Variants in NOX4 observed in about 807,000 individuals in gnomAD.
NOX4 encodes the protein NADPH oxidase 4.
NOX4 carries 69 observed loss-of-function variants against 87.6 expected under a neutral mutation model. The ratio of observed to expected loss-of-function variants is 0.79; its 90% CI spans 0.65 to 0.96. The LOEUF is 0.96. NOX4 is among the 40% of genes least tolerant of loss of function. The probability of loss-of-function intolerance (pLI) is 0.00; values close to 1 mark genes in which losing one functional copy is unlikely to be tolerated. For missense variants in NOX4, 680 were observed against 681.5 expected (o/e 1.00, Z 0.02); for synonymous variants, 275 against 238.2 (o/e 1.15, Z -1.42).
chr11:89,551,503 G>T, the NOX4 span, among the ~76,000 whole-genome samples: 2 of 152,108 alleles, frequency 1.3e-5, no homozygotes, highest in Non-Finnish European at 2.9e-5. Context: ...AGTTCTCCTT[G>T]AAGAGGTCCT....
the NOX4 span, among the ~76,000 whole-genome samples, chr11:89,547,332 T>C: frequency 2.0e-5 from 3 of 152,170 alleles, no homozygotes; most frequent in African/African-American, 7.2e-5. Flanking sequence ...TTTTCGGACA[T>C]GGCAAGATGC....
intron 11 of NOX4, among the ~76,000 whole-genome samples, chr11:89,399,490 G>T (rs985919118): frequency 6.4e-5 from 8 of 125,984 alleles, no homozygotes; most frequent in African/African-American, 2.1e-4. Context: ...TTGAGACAAG[G>T]TCTCACTCTC....
intron 2 of NOX4, among the ~76,000 whole-genome samples, chr11:89,477,328 T>C (rs575041): frequency 0.92 from 140,017 of 151,978 alleles, 64,635 homozygotes; most frequent in Non-Finnish European, 0.94. Context: ...GTTCATGCTC[T>C]TAAGAGAATC....
At chr11:89,503,754 A>G in the NOX4 span, among the ~76,000 whole-genome samples, 1 of 150,566 alleles carries the variant, frequency 6.6e-6, no homozygotes, top group East Asian at 2.0e-4. Context: ...TATCTAAGGT[A>G]TTTTCTGGTT....
At chr11:89,467,164 C>T (rs954388555) in intron 2 of NOX4, among the ~76,000 whole-genome samples, 2 of 151,534 alleles carry the variant, frequency 1.3e-5, no homozygotes, top group African/African-American at 4.8e-5. Flanking sequence ...CTGGCTAACA[C>T]AGTGAAACCC....
At chr11:89,496,454 G>A (rs1185526841), upstream of NOX4, among the ~76,000 whole-genome samples, 1 of 151,666 alleles carries the variant, frequency 6.6e-6, no homozygotes, top group Non-Finnish European at 1.5e-5. Context: ...AGATTTCATA[G>A]ACCAATAAAA....
At chr11:89,572,769 T>A in the NOX4 span, among the ~76,000 whole-genome samples, 1 of 152,192 alleles carries the variant, frequency 6.6e-6, no homozygotes, top group Admixed American at 6.5e-5. Context: ...ATTTTCTTTT[T>A]ACATATATCT....
At chr11:89,389,648 T>C (rs1940982209) in intron 11 of NOX4, among the ~76,000 whole-genome samples, 3 of 152,244 alleles carry the variant, frequency 2.0e-5, no homozygotes, top group South Asian at 2.1e-4. Flanking sequence ...CAGTTCGAAA[T>C]GGTAATTTTA....
Position 89,393,255 on chromosome 11 carries a change from T to C in NOX4, c.1074+6762A>G, listed in dbSNP as rs565834400. On this transcript the variant is annotated intron_variant, in intron 11 of 17. Coordinates refer to ENST00000263317, the MANE Select transcript of NOX4 (RefSeq NM_016931.5). The stretch of plus-strand genomic sequence containing the variant: ...AACAACACATCCTATCGAAGAATTG[T>C]CTGATCCAATATGTCAATACTGCCA... Among the ~76,000 whole-genome samples, 28 of 152,230 alleles carry C rather than the reference T, an allele frequency of 1.8e-4. No individual in the cohort carries two copies. The South Asian group carries it at 5.8e-3, about 32-fold the overall frequency.
At chr11:89,418,182 T>C (rs796364757) in intron 8 of NOX4, among the ~76,000 whole-genome samples, 2 of 152,004 alleles carry the variant, frequency 1.3e-5, no homozygotes, top group African/African-American at 4.8e-5. Context: ...ATGTTTGTAG[T>C]GAAGAAAGTG....
In NOX4 at chr11:89,491,342, C is replaced by A; in HGVS notation, c.-96G>T. On this transcript the variant is annotated 5_prime_UTR_variant, in exon 1 of 18. Transcript: ENST00000263317. Reference sequence around the variant, plus strand: ...GGTTACAGTTGTGCGGCCTGCCGGGCCGCTGAGCGAGGACCGAGGGTCAAA... The same window carrying A: ...GGTTACAGTTGTGCGGCCTGCCGGGACGCTGAGCGAGGACCGAGGGTCAAA... The A allele has an allele frequency of 6.8e-6, 8 of 1,175,874 alleles. No individual in the cohort carries two copies. The highest frequency in any genetic ancestry group is 5.9e-6 in the Non-Finnish European group (5 of 843,282). 72.8% of individuals were successfully genotyped at this position (1,175,874 alleles called of 1,614,324 possible).
At position 89,465,903 on chromosome 11, in the gene NOX4, A is replaced by T. The variant is rs1475791827; in HGVS notation, c.154-14008T>A. 3.9e-5 allele frequency among the ~76,000 whole-genome samples: 6 copies of T among 152,172 alleles called. No individual in the cohort carries two copies. In the East Asian group the frequency reaches 1.2e-3, roughly 29 times the overall value. Reference sequence around the variant, plus strand: ...CCTTTGTCAGATGGATAGACTGCAAAAATTTTCTCCCATTCTGTAGGTTGC... The same window carrying T: ...CCTTTGTCAGATGGATAGACTGCAATAATTTTCTCCCATTCTGTAGGTTGC... On this transcript the variant is annotated intron_variant, in intron 2 of 17. Transcript: ENST00000263317.
At chr11:89,546,975 A>G in the NOX4 span, among the ~76,000 whole-genome samples, 2 of 152,200 alleles carry the variant, frequency 1.3e-5, no homozygotes, top group Admixed American at 6.6e-5. Context: ...TTGTCATTTT[A>G]ATAAGTATTT....
At chr11:89,447,085 C>A (rs1292660902) in intron 4 of NOX4, among the ~76,000 whole-genome samples, 3 of 151,892 alleles carry the variant, frequency 2.0e-5, no homozygotes, top group African/African-American at 7.3e-5. Context: ...AAAAAATGGA[C>A]AGGAAGCTAA....
chr11:89,487,875 T>C (rs1357466604), intron 2 of NOX4, among the ~76,000 whole-genome samples: 1 of 152,184 alleles, frequency 6.6e-6, no homozygotes, highest in Non-Finnish European at 1.5e-5. Flanking sequence ...GCAACACTTA[T>C]TATAAGATTA....
In NOX4 at chr11:89,439,260, T is replaced by C. The variant is rs565755497; in HGVS notation, c.475+1428A>G. Among the ~76,000 whole-genome samples the C allele has an allele frequency of 1.0e-3, 158 of 151,584 alleles. 1 individual carries two copies. The highest frequency in any genetic ancestry group is 3.7e-3 in the African/African-American group (152 of 41,444). On this transcript the variant is annotated intron_variant, in intron 6 of 17. Coordinates refer to ENST00000263317, the MANE Select transcript of NOX4 (RefSeq NM_016931.5). ...AATTCACTGTAAACCAAAAAATACA[T>C]TGGTTGATACGTAAAGTTTTCTTTT...
intron 15 of NOX4, among the ~76,000 whole-genome samples, chr11:89,338,329 C>A (rs1213620425): frequency 6.6e-6 from 1 of 152,012 alleles, no homozygotes; most frequent in East Asian, 1.9e-4. Flanking sequence ...TAATTTCCTT[C>A]CTTTTTAAGG....
intron 13 of NOX4, among the ~76,000 whole-genome samples, chr11:89,342,893 T>C (rs1946065877): frequency 6.6e-6 from 1 of 152,172 alleles, no homozygotes; most frequent in South Asian, 2.1e-4. Context: ...ATTGTTCATA[T>C]AATATTCATC....
chr11:89,411,653 AAC>A (rs1412949877), intron 8 of NOX4, among the ~76,000 whole-genome samples: 2 of 152,066 alleles, frequency 1.3e-5, no homozygotes, highest in Non-Finnish European at 2.9e-5. Flanking sequence ...CAAATCAGAA[AAC>A]ATACAACAGA....
Sources: gnomAD v4.1 joint callset for allele counts (sites outside exome capture counted in the v4.1 genomes callset) on GRCh38, gnomAD v4.1.1 for gene constraint, MANE v1.5 for transcripts, NCBI Gene and HGNC (gene_info 2026-07-23, HGNC 2026-07-21) for gene names.